The following NAV2 variants were observed in gnomAD, a reference collection of about 807,000 sequenced individuals.
NAV2 encodes helicase, APC down-regulated 1.
Under a neutral mutation model 223.2 loss-of-function variants are expected in NAV2, and 54 were observed. The observed-to-expected ratio is 0.24, with a 90% CI of 0.19 to 0.30. NAV2 has a LOEUF of 0.30. Among genes scored for constraint, NAV2 ranks in the 10% least tolerant of loss-of-function variants. The pLI, the probability that NAV2 is intolerant of heterozygous loss-of-function variation, is 1.00. For missense variants in NAV2, 2,806 were observed against 3,147.5 expected, an observed-to-expected ratio of 0.89 and a Z score of 2.60; for synonymous variants, 1,279 against 1,239.3, an observed-to-expected ratio of 1.03 and a Z score of -0.67.
intron 1 of NAV2, among the ~76,000 whole-genome samples, chr11:19,361,735 C>T (rs558871882): frequency 8.5e-5 from 13 of 152,198 alleles, no homozygotes; most frequent in African/African-American, 2.9e-4. Context: ...AAGAGAGAAA[C>T]GGCAAATAAG....
intron 20 of NAV2, among the ~76,000 whole-genome samples, chr11:20,066,871 A>C (rs2059075768): frequency 6.6e-6 from 1 of 152,190 alleles, no homozygotes; most frequent in African/African-American, 2.4e-5. Context: ...CCCTGGGTAC[A>C]GCGATGGGTA....
chr11:19,860,673 G>A (rs1388745504), intron 3 of NAV2, among the ~76,000 whole-genome samples: 1 of 152,060 alleles, frequency 6.6e-6, no homozygotes, highest in African/African-American at 2.4e-5. Flanking sequence ...GGGAGGCCAA[G>A]GCAGGCTGCT....
At chr11:19,399,368 G>A (rs564548834) in intron 1 of NAV2, among the ~76,000 whole-genome samples, 1 of 152,332 alleles carries the variant, frequency 6.6e-6, no homozygotes, top group Non-Finnish European at 1.5e-5. Flanking sequence ...GGGCAGTAAT[G>A]CAGGCGCCTT....
At chr11:19,816,169 C>T (rs568288122) in intron 1 of NAV2, among the ~76,000 whole-genome samples, 7 of 152,328 alleles carry the variant, frequency 4.6e-5, no homozygotes, top group South Asian at 2.1e-4. Flanking sequence ...CGGGGCACAA[C>T]GGTCATTTCC....
At chr11:19,983,242 T>C (rs1030738111) in intron 10 of NAV2, among the ~76,000 whole-genome samples, 3 of 152,188 alleles carry the variant, frequency 2.0e-5, no homozygotes, top group Non-Finnish European at 2.9e-5. Flanking sequence ...TACCTCCTAC[T>C]AGTGGCTAAG....
Position 19,713,800 on chromosome 11 carries a change from GC to G in NAV2, c.108del (p.Cys37AlafsTer3). ...HVPPARAGPQ[P>X]CYLKLGSKVE... ...TGCCCCCGGCCCGGGCGGGCCCCCAGCCCTGCTACCTGAAGTTGGGAAGCAA... is the reference window on the plus strand; with the variant it reads ...TGCCCCCGGCCCGGGCGGGCCCCCAGCCTGCTACCTGAAGTTGGGAAGCAA... On this transcript the variant is annotated frameshift_variant, in exon 1 of 38. Coordinates refer to ENST00000349880, the MANE Select transcript of NAV2 (RefSeq NM_145117.5). LOFTEE classifies it high-confidence loss of function. The surrounding 1 kb of genome is among the most constrained non-coding windows in gnomAD (Gnocchi z 7.2). 1 of 1,613,000 alleles carries G rather than the reference GC, an allele frequency of 6.2e-7. No individual in the cohort carries two copies. The highest frequency in any genetic ancestry group is 8.5e-7 in the Non-Finnish European group (1 of 1,179,740).
intron 1 of NAV2, among the ~76,000 whole-genome samples, chr11:19,455,888 G>A (rs1040946590): frequency 6.6e-6 from 1 of 152,186 alleles, no homozygotes; most frequent in Non-Finnish European, 1.5e-5. Context: ...GTGGATATTT[G>A]GGGGCCTGCC....
chr11:19,598,495 G>C (rs1393142613), intron 1 of NAV2, among the ~76,000 whole-genome samples: 2 of 152,164 alleles, frequency 1.3e-5, no homozygotes. Context: ...ATGAGTTATT[G>C]TCTGCTGAAG....
intron 3 of NAV2, among the ~76,000 whole-genome samples, chr11:19,861,814 G>A (rs969357326): frequency 2.6e-5 from 4 of 152,230 alleles, no homozygotes; most frequent in Admixed American, 2.6e-4. Context: ...AGCATACACA[G>A]AATGGGATAC....
chr11:19,884,903 CTCG>C (rs2063435749), intron 5 of NAV2, among the ~76,000 whole-genome samples: 1 of 152,126 alleles, frequency 6.6e-6, no homozygotes, highest in African/African-American at 2.4e-5. Context: ...GCAGCTATGT[CTCG>C]TCTTTGTTTC....
chr11:19,585,250 C>T (rs886806110), intron 1 of NAV2, among the ~76,000 whole-genome samples: 1 of 152,132 alleles, frequency 6.6e-6, no homozygotes, highest in Non-Finnish European at 1.5e-5. Context: ...TCCTCCATCC[C>T]TTTGTTTTGA....
intron 1 of NAV2, among the ~76,000 whole-genome samples, chr11:19,565,865 G>A (rs1424779122): frequency 6.6e-6 from 1 of 152,072 alleles, no homozygotes; most frequent in South Asian, 2.1e-4. Context: ...CGAAATGCTC[G>A]ATGTGGCCTG....
At chr11:19,429,896 A>G (rs1234335491) in intron 1 of NAV2, among the ~76,000 whole-genome samples, 2 of 152,206 alleles carry the variant, frequency 1.3e-5, no homozygotes, top group East Asian at 3.8e-4. Context: ...CTTCCCTGTC[A>G]CTTGGAGAAA....
At chr11:19,780,011 A>C (rs2056607933) in intron 1 of NAV2, among the ~76,000 whole-genome samples, 1 of 152,240 alleles carries the variant, frequency 6.6e-6, no homozygotes, top group South Asian at 2.1e-4. Flanking sequence ...GTTAACCCAC[A>C]GCTTGAAAAT....
At chr11:20,097,150 C>A (rs1393826671) in intron 30 of NAV2, among the ~76,000 whole-genome samples, 1 of 152,176 alleles carries the variant, frequency 6.6e-6, no homozygotes, top group Non-Finnish European at 1.5e-5. Flanking sequence ...GCATTTTAAT[C>A]TCTTTGTATG....
At chr11:19,692,269 C>T (rs1433951766) in intron 1 of NAV2, among the ~76,000 whole-genome samples, 1 of 152,244 alleles carries the variant, frequency 6.6e-6, no homozygotes, top group Admixed American at 6.5e-5. Context: ...AATCTGTGAC[C>T]TGCATGTGAC....
chr11:19,673,384 A>G (rs2048622351), intron 1 of NAV2, among the ~76,000 whole-genome samples: 1 of 152,214 alleles, frequency 6.6e-6, no homozygotes, highest in Admixed American at 6.5e-5. Context: ...TCATCATTTG[A>G]CAGATGAGGA....
chr11:19,961,332 G>A (rs1339492685), intron 10 of NAV2, among the ~76,000 whole-genome samples: 1 of 152,180 alleles, frequency 6.6e-6, no homozygotes, highest in Non-Finnish European at 1.5e-5. Flanking sequence ...AGCAGCTACA[G>A]AGTGGCTCAA....
chr11:19,579,444 G>A (rs958634661), intron 1 of NAV2, among the ~76,000 whole-genome samples: 2 of 152,130 alleles, frequency 1.3e-5, no homozygotes, highest in East Asian at 3.9e-4. Flanking sequence ...GGACAGAGAC[G>A]GAGAAAGGGC....
Sources: gnomAD v4.1 joint callset for allele counts (sites outside exome capture counted in the v4.1 genomes callset) on GRCh38, gnomAD v4.1.1 for gene constraint, Gnocchi (gnomAD v3.1) non-coding constraint, MANE v1.5 for transcripts, NCBI Gene and HGNC (gene_info 2026-07-23, HGNC 2026-07-21) for gene names.